Variants in CDH23 observed in about 807,000 individuals in gnomAD.
CDH23 encodes cadherin related 23, also known as cadherin-23.
Under a neutral mutation model 317.1 loss-of-function variants are expected in CDH23, and 189 were observed. The ratio of observed to expected loss-of-function variants is 0.60; its 90% confidence interval spans 0.53 to 0.67. The LOEUF is 0.67. CDH23 is among the 30% of genes least tolerant of loss of function. CDH23 has a pLI of 0.00. For synonymous variants in CDH23, 1,839 were observed against 1,876.8 expected (o/e 0.98, Z 0.52); for missense variants, 4,401 against 4,592.4 (o/e 0.96, Z 1.20).
At chr10:71,655,852 G>A (rs1479506155) in intron 14 of CDH23, among the ~76,000 whole-genome samples, 2 of 151,998 alleles carry the variant, frequency 1.3e-5, no homozygotes, top group Non-Finnish European at 2.9e-5. Flanking sequence ...CCAGCCCATC[G>A]GCAACGGAGA....
At chr10:71,485,112 C>T (rs1378534402) in intron 3 of CDH23, among the ~76,000 whole-genome samples, 2 of 150,878 alleles carry the variant, frequency 1.3e-5, no homozygotes, top group South Asian at 2.1e-4. Context: ...CGGCAACCTC[C>T]GCCTCCCAGG....
chr10:71,571,728 C>T (rs531200820), intron 8 of CDH23, among the ~76,000 whole-genome samples: 1 of 152,332 alleles, frequency 6.6e-6, no homozygotes, highest in South Asian at 2.1e-4. Context: ...AATCCCTGGT[C>T]ATTAGCTTAG....
intron 31 of CDH23, among the ~76,000 whole-genome samples, chr10:71,730,938 G>T (rs1028909048): frequency 9.2e-5 from 14 of 152,230 alleles, no homozygotes; most frequent in Admixed American, 9.2e-4. Context: ...AAAGAGGACC[G>T]GTCAGAAAGC....
chr10:71,711,239 C>T (rs1007324630), intron 27 of CDH23, among the ~76,000 whole-genome samples: 1 of 152,114 alleles, frequency 6.6e-6, no homozygotes, highest in Admixed American at 6.5e-5. Context: ...TCTAGGGAGC[C>T]TCCCACACAC....
chr10:71,550,575 A>G lies in CDH23; in HGVS notation c.430-16167A>G, dbSNP rs868212941. On this transcript the variant is annotated intron_variant, in intron 6 of 69. Transcript: ENST00000224721. The stretch of plus-strand genomic sequence containing the variant: ...ACCCTGTCTCAAAAAAAAAAAAAAA[A>G]AAGAAAAAAGAAAAAGAAAGAAAGA... Among the ~76,000 whole-genome samples the G allele has an allele frequency of 4.2e-3, 477 of 113,162 alleles. 11 individuals are homozygous for G. The highest frequency in any genetic ancestry group is 0.015 in the African/African-American group (458 of 30,806). The allele number at this position is 113,162 out of a possible 152,430, so 74.2% of individuals were successfully genotyped here.
At chr10:71,611,854 C>A (rs989803760) in intron 9 of CDH23, among the ~76,000 whole-genome samples, 4 of 152,206 alleles carry the variant, frequency 2.6e-5, no homozygotes, top group Admixed American at 6.5e-5. Flanking sequence ...AAGGCATCAA[C>A]CTTGCCTGCT....
chr10:71,609,039 T>G (rs10823799), intron 9 of CDH23, among the ~76,000 whole-genome samples: 145,025 of 152,224 alleles, frequency 0.95, 69,142 homozygotes, highest in East Asian at 1. Context: ...TCTGCTGTGG[T>G]TCAAGATGCT....
At position 71,397,304 on chromosome 10, in the gene CDH23, G is replaced by A. The variant is rs1847564251; in HGVS notation, c.-20G>A. The stretch of plus-strand genomic sequence containing the variant: ...AGGCGAGGCGAGGCGCGGCGCCGCT[G>A]CACACACGCACACGGTACCCGGAGC... On this transcript the variant is annotated 5_prime_UTR_variant, in exon 1 of 70. Transcript: ENST00000224721. This position sits in a 1 kb window ranked among gnomAD's most constrained non-coding sequence, Gnocchi z 4.8. 1 of 156,258 alleles carries A rather than the reference G, an allele frequency of 6.4e-6. No individual in the cohort carries two copies. Among genetic ancestry groups the A allele is most frequent in the South Asian group, 1.6e-4 (1 of 6,408 alleles). 9.7% of individuals were successfully genotyped at this position (156,258 alleles called of 1,614,324 possible).
At position 71,725,242 on chromosome 10, in the gene CDH23, G is replaced by A. The variant is rs906264215; in HGVS notation, c.3431-130G>A. On this transcript the variant is annotated intron_variant, in intron 29 of 69. Transcript: ENST00000224721. The stretch of plus-strand genomic sequence containing the variant: ...GCTTCCTCTCCACTGTGAATTCTGT[G>A]TCCCAGAAGACCCGCAGCCTCCTCA... 2.0e-6 allele frequency: 3 copies of A among 1,493,734 alleles called. No individual in the cohort carries two copies. In the African/African-American group the frequency reaches 4.1e-5, roughly 20 times the overall value. The allele number at this position is 1,493,734 out of a possible 1,614,324, so 92.5% of individuals were successfully genotyped here.
At chr10:71,689,810 T>A (rs1865119199) in intron 19 of CDH23, among the ~76,000 whole-genome samples, 1 of 152,150 alleles carries the variant, frequency 6.6e-6, no homozygotes, top group South Asian at 2.1e-4. Context: ...GGTGTGAAGA[T>A]TCCAGGAACC....
intron 55 of CDH23, among the ~76,000 whole-genome samples, chr10:71,803,851 G>T (rs1484995713): frequency 1.3e-5 from 2 of 150,206 alleles, no homozygotes; most frequent in Non-Finnish European, 3.0e-5. Context: ...TGGGCATGGT[G>T]GTGCATGCCT....
chr10:71,478,878 C>A (rs1379160514), intron 3 of CDH23, among the ~76,000 whole-genome samples: 2 of 152,204 alleles, frequency 1.3e-5, no homozygotes, highest in Admixed American at 6.5e-5. Context: ...AAAACAAGGT[C>A]TTTTCTTCTT....
chr10:71,482,519 G>A lies in CDH23; in HGVS notation c.146-27563G>A, dbSNP rs1044487212. 3.3e-5 allele frequency among the ~76,000 whole-genome samples: 5 copies of A among 152,248 alleles called. No homozygotes were observed. In the East Asian group the frequency reaches 9.6e-4, roughly 29 times the overall value. On this transcript the variant is annotated intron_variant, in intron 3 of 69. Transcript: ENST00000224721. The stretch of plus-strand genomic sequence containing the variant: ...CTCTAGGCCATAGTGGACACCTGAG[G>A]TTGGGGGGACAGGCCCCATAGGAAT...
At chr10:71,415,822 T>C (rs10823738) in intron 1 of CDH23, among the ~76,000 whole-genome samples, 2 of 152,090 alleles carry the variant, frequency 1.3e-5, no homozygotes, top group Non-Finnish European at 2.9e-5. Flanking sequence ...TTTACAGTTG[T>C]TTTTAAGCTT....
At chr10:71,594,539 A>G (rs1859714920) in intron 9 of CDH23, among the ~76,000 whole-genome samples, 1 of 152,082 alleles carries the variant, frequency 6.6e-6, no homozygotes, top group Admixed American at 6.6e-5. Flanking sequence ...ACACCTGGCT[A>G]ATTTTTGTAT....
intron 6 of CDH23, among the ~76,000 whole-genome samples, chr10:71,557,619 CA>C (rs1389810694): frequency 6.6e-6 from 1 of 152,178 alleles, no homozygotes; most frequent in East Asian, 1.9e-4. Flanking sequence ...TTCATCTGAA[CA>C]ATGCGTTCAT....
chr10:71,700,099 C>T (rs10823828), intron 22 of CDH23, among the ~76,000 whole-genome samples: 15,885 of 152,218 alleles, frequency 0.1, 1,843 homozygotes, highest in African/African-American at 0.29. Flanking sequence ...AATCATCTCT[C>T]CCCCAGGCTG....
chr10:71,481,702 G>A (rs1490601804), intron 3 of CDH23, among the ~76,000 whole-genome samples: 1 of 152,226 alleles, frequency 6.6e-6, no homozygotes, highest in Non-Finnish European at 1.5e-5. Context: ...GGGAGCAAAG[G>A]ACTTCTTGGA....
intron 38 of CDH23, among the ~76,000 whole-genome samples, chr10:71,763,760 C>T (rs2132894587): frequency 6.6e-6 from 1 of 152,306 alleles, no homozygotes; most frequent in South Asian, 2.1e-4. Context: ...GCGCTTGGTA[C>T]TTGGGAGCTA....
Sources: allele counts gnomAD v4.1 joint callset (sites outside exome capture counted in the v4.1 genomes callset), GRCh38; gene constraint gnomAD v4.1.1; non-coding constraint Gnocchi (gnomAD v3.1); transcripts MANE v1.5; gene names NCBI Gene and HGNC (gene_info 2026-07-23, HGNC 2026-07-21).